The following OXR1 variants were observed in gnomAD, a reference collection of about 807,000 sequenced individuals.
OXR1 encodes the protein oxidation resistance 1.
Under a neutral mutation model 104.6 loss-of-function variants are expected in OXR1, and 41 were observed. That is an observed-to-expected ratio of 0.39 (90% CI 0.31 to 0.51). OXR1 has a LOEUF of 0.51. OXR1 is among the 20% of genes least tolerant of loss of function. The probability of loss-of-function intolerance (pLI) is 0.77; values close to 1 mark genes in which losing one functional copy is unlikely to be tolerated. For missense variants in OXR1, 955 were observed against 1,031.9 expected (o/e 0.93, Z 1.02); for synonymous variants, 348 against 348.4 (o/e 1.00, Z 0.01).
intron 2 of OXR1, among the ~76,000 whole-genome samples, chr8:106,468,201 C>T (rs923063897): frequency 6.6e-6 from 1 of 151,836 alleles, no homozygotes; most frequent in African/African-American, 2.4e-5. Flanking sequence ...ACAAGGTCTT[C>T]ACCCTCAAGG....
At chr8:106,314,992 A>C (rs1813866720) in intron 1 of OXR1, among the ~76,000 whole-genome samples, 1 of 152,152 alleles carries the variant, frequency 6.6e-6, no homozygotes, top group African/African-American at 2.4e-5. Flanking sequence ...GTGTATTTCT[A>C]AGCAAACTGT....
At position 106,460,049 on chromosome 8, in the gene OXR1, G is replaced by A. The variant is rs367649258; in HGVS notation, c.24-58894G>A. Among the ~76,000 whole-genome samples the A allele has an allele frequency of 3.3e-5, 5 of 152,272 alleles. No homozygotes were observed. In the South Asian group the frequency reaches 1.0e-3, roughly 32 times the overall value. ...AAAATAAAATGTTTTTTGAGTGCCT[G>A]CTTTGTGGAAGCACTGTGCTAGGTA... On this transcript the variant is annotated intron_variant, in intron 2 of 16. Coordinates refer to ENST00000517566, the MANE Select transcript of OXR1 (RefSeq NM_001198533.2).
chr8:106,673,319 G>C (rs1827233002), intron 3 of OXR1, among the ~76,000 whole-genome samples: 1 of 152,156 alleles, frequency 6.6e-6, no homozygotes, highest in Non-Finnish European at 1.5e-5. Flanking sequence ...CCCTGCCCTA[G>C]AGATATATAG....
chr8:106,423,408 TA>T (rs1390216562), intron 2 of OXR1, among the ~76,000 whole-genome samples: 1 of 152,160 alleles, frequency 6.6e-6, no homozygotes, highest in Admixed American at 6.5e-5. Flanking sequence ...TCATTCAAAC[TA>T]AATGACTGGG....
At chr8:106,507,522 C>T (rs1188339365) in intron 2 of OXR1, among the ~76,000 whole-genome samples, 9 of 152,044 alleles carry the variant, frequency 5.9e-5, no homozygotes, top group Admixed American at 5.2e-4. Flanking sequence ...CATGAAGTTA[C>T]GAAAACCTGA....
chr8:106,702,253 C>T (rs1398199312), intron 7 of OXR1, among the ~76,000 whole-genome samples: 2 of 152,152 alleles, frequency 1.3e-5, no homozygotes, highest in African/African-American at 4.8e-5. Context: ...AGCCACCGTG[C>T]CTGCCCTGTA....
chr8:106,274,511 A>T (rs539361981), intron 1 of OXR1, among the ~76,000 whole-genome samples: 13 of 152,056 alleles, frequency 8.5e-5, no homozygotes, highest in Non-Finnish European at 1.8e-4. Flanking sequence ...TAACTATTCC[A>T]ATCACCCTTA....
chr8:106,293,421 C>T (rs1261281633), intron 1 of OXR1, among the ~76,000 whole-genome samples: 1 of 152,168 alleles, frequency 6.6e-6, no homozygotes, highest in Admixed American at 6.5e-5. Context: ...AGTGGTTTAT[C>T]CAGTCCCATT....
At chr8:106,706,351 T>G (rs1340396632) in intron 8 of OXR1, 31 bp from the exon 9 acceptor site, 3 of 1,482,536 alleles carry the variant, frequency 2.0e-6, no homozygotes, top group Admixed American at 2.5e-5. Context: ...ATTTTAAAAG[T>G]CTAATTATTT....
intron 2 of OXR1, among the ~76,000 whole-genome samples, chr8:106,491,168 C>T (rs540840829): frequency 6.6e-6 from 1 of 152,304 alleles, no homozygotes; most frequent in African/African-American, 2.4e-5. Flanking sequence ...TTGTCTGCCT[C>T]CTTTCTGGGA....
At chr8:106,711,456 A>T (rs996664887) in intron 10 of OXR1, among the ~76,000 whole-genome samples, 10 of 152,034 alleles carry the variant, frequency 6.6e-5, no homozygotes, top group Non-Finnish European at 1.2e-4. Context: ...CCTCACACAA[A>T]CTCATTACAA....
rs556811782 is a variant in OXR1, at chr8:106,575,256, T to C, written c.220+56117T>C. Among the ~76,000 whole-genome samples the C allele has an allele frequency of 3.9e-5, 6 of 152,252 alleles. No individual in the cohort carries two copies. The East Asian group carries it at 9.6e-4, about 24-fold the overall frequency. Reference sequence around the variant, plus strand: ...ATTTATTAATATAGAATCTTAAAGGTGAAATAAGCTCAAATGGTAGGGAAA... The same window carrying C: ...ATTTATTAATATAGAATCTTAAAGGCGAAATAAGCTCAAATGGTAGGGAAA... On this transcript the variant is annotated intron_variant, in intron 3 of 16. Coordinates refer to ENST00000517566, the MANE Select transcript of OXR1 (RefSeq NM_001198533.2).
At chr8:106,272,840 T>C (rs541726617) in intron 1 of OXR1, 105 of 152,322 alleles carry the variant, frequency 6.9e-4, no homozygotes, top group African/African-American at 2.3e-3. Flanking sequence ...GTAAAATAAA[T>C]GATCATTTTA....
chr8:106,736,160 C>A (rs1417550438), intron 11 of OXR1, among the ~76,000 whole-genome samples: 1 of 97,672 alleles, frequency 1.0e-5, no homozygotes, highest in African/African-American at 5.7e-5. Context: ...CCAGGTTTAT[C>A]TGACACCCCC....
At chr8:106,486,606 G>A (rs1189817465) in intron 2 of OXR1, among the ~76,000 whole-genome samples, 1 of 152,062 alleles carries the variant, frequency 6.6e-6, no homozygotes, top group African/African-American at 2.4e-5. Flanking sequence ...TACATAAGTA[G>A]TAAAATTTGT....
intron 2 of OXR1, among the ~76,000 whole-genome samples, chr8:106,451,963 G>A (rs1207881639): frequency 3.9e-5 from 6 of 152,124 alleles, no homozygotes; most frequent in African/African-American, 7.2e-5. Context: ...TTAAAAACAC[G>A]AGAACGTGAG....
At chr8:106,528,950 CTTTG>C (rs899808787) in intron 3 of OXR1, among the ~76,000 whole-genome samples, 69 of 152,276 alleles carry the variant, frequency 4.5e-4, no homozygotes, top group African/African-American at 1.6e-3. Context: ...AGAACTATGA[CTTTG>C]TTTGAATTGA....
intron 1 of OXR1, among the ~76,000 whole-genome samples, chr8:106,359,268 A>G (rs1816138409): frequency 6.6e-6 from 1 of 152,024 alleles, no homozygotes; most frequent in Non-Finnish European, 1.5e-5. Flanking sequence ...AACTGTTCAG[A>G]TGGTTTTAAA....
At chr8:106,462,732 T>G (rs1430889804) in intron 2 of OXR1, among the ~76,000 whole-genome samples, 1 of 152,104 alleles carries the variant, frequency 6.6e-6, no homozygotes, top group Non-Finnish European at 1.5e-5. Context: ...GACTTGGTTC[T>G]GATAGTTGCT....
Sources: allele counts gnomAD v4.1 joint callset (sites outside exome capture counted in the v4.1 genomes callset), GRCh38; gene constraint gnomAD v4.1.1; transcripts MANE v1.5; gene names NCBI Gene and HGNC (gene_info 2026-07-23, HGNC 2026-07-21).